The following C1orf198 variants were observed in gnomAD, a reference collection of about 807,000 sequenced individuals.
C1orf198 encodes the protein uncharacterized protein C1orf198.
C1orf198 carries 17 observed loss-of-function variants against 31.4 expected under a neutral mutation model. The observed-to-expected ratio is 0.54, with a 90% CI of 0.37 to 0.81. The LOEUF is 0.81. Among genes scored for constraint, C1orf198 ranks in the 40% least tolerant of loss-of-function variants. C1orf198 has a pLI of 0.00. For missense variants in C1orf198, 401 were observed against 450.3 expected (o/e 0.89, Z 0.99); for synonymous variants, 175 against 193.8 (o/e 0.90, Z 0.81).
rs769917504 is a variant in C1orf198, at chr1:230,843,871, G to A, written c.410C>T (p.Ala137Val). ...TKSQMEFSISALSIQEPSNGT... is the reference protein window; with the variant it reads ...TKSQMEFSISVLSIQEPSNGT... ...GTTGCTCGGCTCCTGGATGGATAGG[G>A]CGGAGATACTGAACTCCATCTGACT... Residue 137 changes from alanine to valine, a missense_variant, in exon 3 of 4, where the codon GCC becomes GTC. By Grantham distance (64) the Ala-to-Val change is moderately conservative (BLOSUM62 0). Coordinates refer to ENST00000366663, the MANE Select transcript of C1orf198 (RefSeq NM_032800.3). This position sits in a 1 kb window ranked among gnomAD's most constrained non-coding sequence, Gnocchi z 4.9. 7 of 1,519,818 alleles carry A rather than the reference G, an allele frequency of 4.6e-6. No individual in the cohort carries two copies. The highest frequency in any genetic ancestry group is 5.3e-6 in the Non-Finnish European group (6 of 1,138,184). The allele number at this position is 1,519,818 out of a possible 1,614,324, so 94.1% of individuals were successfully genotyped here. A position where few individuals can be genotyped will look rare whatever the true frequency, so the allele number is the denominator to read the frequency against.
chr1:230,844,334 T>C (rs1176114809), intron 2 of C1orf198, among the ~76,000 whole-genome samples: 1 of 151,974 alleles, frequency 6.6e-6, no homozygotes, highest in Non-Finnish European at 1.5e-5. Context: ...TCTCTCCCTC[T>C]TGCTCCTGCT....
intron 1 of C1orf198, among the ~76,000 whole-genome samples, chr1:230,860,541 A>G (rs899611133): frequency 3.3e-5 from 5 of 152,246 alleles, no homozygotes; most frequent in African/African-American, 1.2e-4. Flanking sequence ...AAAAGGAAGG[A>G]AATTCTGATA....
chr1:230,864,348 G>T (rs1190804825), intron 1 of C1orf198, among the ~76,000 whole-genome samples: 1 of 152,160 alleles, frequency 6.6e-6, no homozygotes, highest in Non-Finnish European at 1.5e-5. Flanking sequence ...CTAAACATAG[G>T]TACCCATAGC....
intron 2 of C1orf198, among the ~76,000 whole-genome samples, chr1:230,846,634 C>T (rs75507098): frequency 2.0e-3 from 298 of 152,334 alleles, no homozygotes; most frequent in African/African-American, 6.8e-3. Context: ...TTAAAACGCA[C>T]GCCTAGGCTG....
intron 2 of C1orf198, among the ~76,000 whole-genome samples, chr1:230,851,674 CCT>C (rs1669749064): frequency 1.3e-5 from 2 of 152,204 alleles, no homozygotes; most frequent in African/African-American, 4.8e-5. Flanking sequence ...GACAGGCAGG[CCT>C]CCCTTCTGTG....
intron 2 of C1orf198, among the ~76,000 whole-genome samples, chr1:230,853,973 C>T (rs936263669): frequency 6.6e-6 from 1 of 152,170 alleles, no homozygotes; most frequent in Non-Finnish European, 1.5e-5. Context: ...AGGAGCTGCA[C>T]CACCTTGTCC....
chr1:230,868,325 G>T lies in C1orf198; in HGVS notation c.188C>A (p.Pro63His). The T allele has an allele frequency of 6.3e-7, 1 of 1,595,844 alleles. No homozygotes were observed. The highest frequency in any genetic ancestry group is 8.5e-7 in the Non-Finnish European group (1 of 1,172,162). Residue 63 changes from proline (P) to histidine (H), a missense_variant, in exon 1 of 4, where the codon CCC (proline) becomes CAC (histidine). Coordinates refer to ENST00000366663, the MANE Select transcript of C1orf198 (RefSeq NM_032800.3). ...GTCGATGATCTCGTCCTGCTGCGCGGGCGGCAGCCGCGCCCACTCGGGCCC... is the reference window on the plus strand; with the variant it reads ...GTCGATGATCTCGTCCTGCTGCGCGTGCGGCAGCCGCGCCCACTCGGGCCC... Reference protein sequence around the residue: ...KYGPEWARLPPAQQDEIIDRC... With the variant: ...KYGPEWARLPHAQQDEIIDRC...
chr1:230,862,895 G>C (rs1670032491), intron 1 of C1orf198, among the ~76,000 whole-genome samples: 1 of 152,232 alleles, frequency 6.6e-6, no homozygotes, highest in Non-Finnish European at 1.5e-5. Context: ...TTCATCAGCT[G>C]TCACAAATGC....
Position 230,843,659 on chromosome 1 carries a change from G to A in C1orf198, c.622C>T (p.Gln208Ter), listed in dbSNP as rs779498094. The change falls in exon 3 of 4, where the codon CAG becomes TAG. Residue 208 changes from glutamine (Q) to a stop codon, truncating the protein, a stop_gained. Coordinates refer to ENST00000366663, the MANE Select transcript of C1orf198 (RefSeq NM_032800.3). LOFTEE classifies it high-confidence loss of function. The surrounding 1 kb of genome is among the most constrained non-coding windows in gnomAD (Gnocchi z 4.9). ...SRGEGPEAEF[Q>*]SLTPSQIKSM... ...TTGATCTGGCTAGGGGTCAGCGACT[G>A]GAACTCGGCCTCAGGCCCCTCCCCT... 6.2e-7 allele frequency: 1 copy of A among 1,614,224 alleles called. No individual in the cohort carries two copies. The highest frequency in any genetic ancestry group is 8.5e-7 in the Non-Finnish European group (1 of 1,180,048).
chr1:230,843,216 C>T lies in C1orf198; in HGVS notation c.927+138G>A. 9.5e-7 allele frequency: 1 copy of T among 1,056,328 alleles called. No individual in the cohort carries two copies. The allele number at this position is 1,056,328 out of a possible 1,614,324, so 65.4% of individuals were successfully genotyped here. On this transcript the variant is annotated intron_variant, in intron 3 of 3. Coordinates refer to ENST00000366663, the MANE Select transcript of C1orf198 (RefSeq NM_032800.3). This position sits in a 1 kb window ranked among gnomAD's most constrained non-coding sequence, Gnocchi z 4.9. ...GGCTCAGCACCCTGAGCCTAGGCAT[C>T]CTCTGAGGAAGAGGCAGGGGAAGGA...
intron 1 of C1orf198, among the ~76,000 whole-genome samples, chr1:230,863,069 G>C (rs1475017161): frequency 6.6e-6 from 1 of 152,126 alleles, no homozygotes; most frequent in African/African-American, 2.4e-5. Context: ...CTTATTTTCA[G>C]CAAGCATTGT....
chr1:230,861,410 A>G (rs1670001376), intron 1 of C1orf198, among the ~76,000 whole-genome samples: 1 of 152,250 alleles, frequency 6.6e-6, no homozygotes, highest in Admixed American at 6.5e-5. Flanking sequence ...CCCCAAAAAA[A>G]GTAATAAACA....
chr1:230,865,856 T>G (rs2102994385), intron 1 of C1orf198, among the ~76,000 whole-genome samples: 1 of 152,328 alleles, frequency 6.6e-6, no homozygotes, highest in Non-Finnish European at 1.5e-5. Flanking sequence ...TGCTCTGACT[T>G]AAAACGTTGC....
intron 1 of C1orf198, among the ~76,000 whole-genome samples, chr1:230,856,779 A>G (rs1234860653): frequency 6.6e-6 from 1 of 152,196 alleles, no homozygotes; most frequent in Non-Finnish European, 1.5e-5. Flanking sequence ...TTAAACGGAG[A>G]TCATATCCAT....
chr1:230,852,632 T>G (rs998229967), intron 2 of C1orf198, among the ~76,000 whole-genome samples: 1 of 152,218 alleles, frequency 6.6e-6, no homozygotes, highest in Non-Finnish European at 1.5e-5. Flanking sequence ...GTGAATGTAC[T>G]GAATGCCACC....
chr1:230,845,607 C>T (rs868327503), intron 2 of C1orf198, among the ~76,000 whole-genome samples: 3 of 150,790 alleles, frequency 2.0e-5, no homozygotes, highest in African/African-American at 7.3e-5. Flanking sequence ...CGCTTGAACC[C>T]GGGAAGTGGA....
chr1:230,866,487 G>A (rs1266334266), intron 1 of C1orf198, among the ~76,000 whole-genome samples: 2 of 152,144 alleles, frequency 1.3e-5, no homozygotes. Flanking sequence ...ATTCAGAAAC[G>A]GCTCAGTCTG....
intron 1 of C1orf198, among the ~76,000 whole-genome samples, chr1:230,864,129 G>A (rs976911285): frequency 6.6e-6 from 1 of 152,162 alleles, no homozygotes; most frequent in East Asian, 1.9e-4. Context: ...GTTCTGAAGC[G>A]ATTGATTCTA....
At chr1:230,859,557 G>A (rs1041446839) in intron 1 of C1orf198, among the ~76,000 whole-genome samples, 1 of 152,156 alleles carries the variant, frequency 6.6e-6, no homozygotes, top group African/African-American at 2.4e-5. Flanking sequence ...AGAACAGAAA[G>A]ATGCCCCAGG....
Sources: gnomAD v4.1 joint callset for allele counts (sites outside exome capture counted in the v4.1 genomes callset) on GRCh38, gnomAD v4.1.1 for gene constraint, Gnocchi (gnomAD v3.1) non-coding constraint, MANE v1.5 for transcripts, NCBI Gene and HGNC (gene_info 2026-07-23, HGNC 2026-07-21) for gene names.